SMYD3: variants seen among roughly 807,000 people sequenced by gnomAD.
SMYD3 encodes the protein SET and MYND domain containing 3.
SMYD3 carries 36 observed loss-of-function variants against 57.7 expected under a neutral mutation model. That is an observed-to-expected ratio of 0.62 (90% CI 0.48 to 0.82). The LOEUF (loss-of-function observed/expected upper bound fraction) is 0.82. SMYD3 is among the 40% of genes least tolerant of loss of function. The pLI is 0.00. For missense variants in SMYD3, 515 were observed against 538.8 expected, an observed-to-expected ratio of 0.96 and a Z score of 0.44; for synonymous variants, 211 against 195.0, an observed-to-expected ratio of 1.08 and a Z score of -0.68.
intron 1 of SMYD3, among the ~76,000 whole-genome samples, chr1:246,394,086 A>C (rs2066616579): frequency 6.6e-6 from 1 of 152,172 alleles, no homozygotes; most frequent in African/African-American, 2.4e-5. Flanking sequence ...CTAATAAATA[A>C]CTGTTATCCT....
chr1:245,938,261 C>T (rs958711137), intron 5 of SMYD3, among the ~76,000 whole-genome samples: 8 of 152,144 alleles, frequency 5.3e-5, no homozygotes, highest in Non-Finnish European at 1.2e-4. Flanking sequence ...TGTGCGGGCC[C>T]GCATGAAGGT....
chr1:246,041,903 C>T (rs184043156), intron 5 of SMYD3, among the ~76,000 whole-genome samples: 43 of 152,208 alleles, frequency 2.8e-4, no homozygotes, highest in African/African-American at 9.1e-4. Flanking sequence ...TTGCTACCTG[C>T]GTATTTCCTG....
rs192318965 is a variant in SMYD3 at position 246,185,489 on chromosome 1, C to G, written c.531+141712G>C. ...TTTTTTTTTGAGACGGAGTTTTGCT[C>G]TGTCGCCCAGGCTGGAGTGTGGAGT... is the stretch of plus-strand genomic sequence containing the variant. On this transcript the variant is annotated intron_variant, in intron 5 of 11. Coordinates refer to ENST00000490107, the MANE Select transcript of SMYD3 (RefSeq NM_001167740.2). Among the ~76,000 whole-genome samples the G allele has an allele frequency of 8.8e-5, 11 of 125,052 alleles. No individual in the cohort carries two copies. The Admixed American group carries it at 9.7e-4, about 11-fold the overall frequency. The allele number at this position is 125,052 out of a possible 152,430, so 82.0% of individuals were successfully genotyped here.
chr1:246,413,005 AG>A (rs1488745175), intron 1 of SMYD3, among the ~76,000 whole-genome samples: 2 of 152,180 alleles, frequency 1.3e-5, no homozygotes, highest in African/African-American at 2.4e-5. Flanking sequence ...CAAGGCAGAG[AG>A]GTTAAACAGT....
intron 8 of SMYD3, among the ~76,000 whole-genome samples, chr1:245,867,664 G>A (rs1227801510): frequency 0.02 from 2,392 of 122,124 alleles, 25 homozygotes; most frequent in African/African-American, 0.033. Context: ...GTGTGCGTGC[G>A]CGCGCACACA....
intron 8 of SMYD3, among the ~76,000 whole-genome samples, chr1:245,879,950 C>T (rs2052687309): frequency 6.7e-6 from 1 of 150,216 alleles, no homozygotes; most frequent in South Asian, 2.2e-4. Context: ...AGGTGCGTTG[C>T]TGTACACACC....
At chr1:246,168,738 G>A (rs2062267897) in intron 5 of SMYD3, among the ~76,000 whole-genome samples, 1 of 152,226 alleles carries the variant, frequency 6.6e-6, no homozygotes, top group Non-Finnish European at 1.5e-5. Flanking sequence ...GCACCCGGAG[G>A]AATCATGTCA....
chr1:246,240,592 A>G (rs1226616606), intron 5 of SMYD3, among the ~76,000 whole-genome samples: 1 of 151,990 alleles, frequency 6.6e-6, no homozygotes, highest in Non-Finnish European at 1.5e-5. Context: ...TTGGTTCCAT[A>G]TGAACTTTAA....
At chr1:246,296,626 TA>T (rs1375414160) in intron 5 of SMYD3, among the ~76,000 whole-genome samples, 1 of 152,182 alleles carries the variant, frequency 6.6e-6, no homozygotes, top group African/African-American at 2.4e-5. Context: ...TCATTTTCTG[TA>T]AGTCATTTTC....
At chr1:245,802,392 ACT>A (rs1482439279) in intron 10 of SMYD3, among the ~76,000 whole-genome samples, 2 of 152,084 alleles carry the variant, frequency 1.3e-5, no homozygotes, top group African/African-American at 4.8e-5. Flanking sequence ...TCATAAGACA[ACT>A]CTCTTTTTCC....
chr1:245,971,629 A>T (rs2058306661), intron 5 of SMYD3, among the ~76,000 whole-genome samples: 1 of 152,160 alleles, frequency 6.6e-6, no homozygotes, highest in African/African-American at 2.4e-5. Context: ...ACTAACGGGG[A>T]TGTCCCTTGA....
chr1:246,218,729 G>GT (rs2063206326), intron 5 of SMYD3, among the ~76,000 whole-genome samples: 1 of 152,000 alleles, frequency 6.6e-6, no homozygotes, highest in Admixed American at 6.5e-5. Flanking sequence ...TATTTTGTGT[G>GT]TGTTCAATAA....
chr1:246,097,765 G>A (rs2147919245), intron 5 of SMYD3, among the ~76,000 whole-genome samples: 1 of 152,206 alleles, frequency 6.6e-6, no homozygotes, highest in South Asian at 2.1e-4. Context: ...ATGTAGAGGA[G>A]TGTCCGGGGC....
chr1:246,137,341 A>G (rs1328388177), intron 5 of SMYD3, among the ~76,000 whole-genome samples: 1 of 152,200 alleles, frequency 6.6e-6, no homozygotes, highest in Non-Finnish European at 1.5e-5. Context: ...GTATCTCCCC[A>G]AAGTGCATAC....
intron 5 of SMYD3, among the ~76,000 whole-genome samples, chr1:245,960,859 G>A (rs768200348): frequency 6.6e-6 from 1 of 152,118 alleles, no homozygotes; most frequent in Non-Finnish European, 1.5e-5. Context: ...TTTTCACAGA[G>A]AGAAAAATAA....
intron 3 of SMYD3, 115 bp downstream of exon 3, chr1:246,335,252 T>C (rs992195269): frequency 1.1e-6 from 1 of 910,634 alleles, no homozygotes; most frequent in Non-Finnish European, 1.7e-6. Flanking sequence ...CAATATTTGC[T>C]TTATTGTGGT....
chr1:246,154,857 C>T (rs2061999017), intron 5 of SMYD3, among the ~76,000 whole-genome samples: 1 of 151,618 alleles, frequency 6.6e-6, no homozygotes, highest in African/African-American at 2.4e-5. Flanking sequence ...TTTTGGCTCA[C>T]TCTAAGCTCC....
intron 5 of SMYD3, among the ~76,000 whole-genome samples, chr1:246,138,747 T>C (rs1370499175): frequency 1.3e-5 from 2 of 151,982 alleles, no homozygotes; most frequent in African/African-American, 2.4e-5. Context: ...TTAAAAAAAG[T>C]TTAAATACTT....
intron 5 of SMYD3, among the ~76,000 whole-genome samples, chr1:246,012,666 C>G (rs551577086): frequency 6.6e-6 from 1 of 152,188 alleles, no homozygotes; most frequent in South Asian, 2.1e-4. Context: ...CCACGCCCCT[C>G]CCCACACAAT....
Sources: allele counts gnomAD v4.1 joint callset (sites outside exome capture counted in the v4.1 genomes callset), GRCh38; gene constraint gnomAD v4.1.1; transcripts MANE v1.5; gene names NCBI Gene and HGNC (gene_info 2026-07-23, HGNC 2026-07-21).